The following FGGY variants were observed in gnomAD, a reference collection of about 807,000 sequenced individuals.
FGGY encodes FGGY carbohydrate kinase domain containing.
FGGY carries 72 observed loss-of-function variants against 71.3 expected under a neutral mutation model. The observed-to-expected ratio is 1.01, with a 90% CI of 0.84 to 1.23. The LOEUF (loss-of-function observed/expected upper bound fraction) is 1.23, where lower values mean the gene tolerates loss of function less well. Ranked by LOEUF, FGGY falls within the 50% of genes most tolerant of loss-of-function variation. The pLI is 0.00. For synonymous variants in FGGY, 251 were observed against 250.3 expected (o/e 1.00, Z -0.02); for missense variants, 668 against 682.3 (o/e 0.98, Z 0.23).
At chr1:59,591,749 A>C (rs1378035773) in intron 8 of FGGY, among the ~76,000 whole-genome samples, 6 of 152,352 alleles carry the variant, frequency 3.9e-5, no homozygotes, top group African/African-American at 1.4e-4. Context: ...TAGAAAGCTG[A>C]AACTGGATTC....
At chr1:59,430,785 A>G (rs778317760) in intron 5 of FGGY, among the ~76,000 whole-genome samples, 4 of 152,058 alleles carry the variant, frequency 2.6e-5, no homozygotes, top group Non-Finnish European at 4.4e-5. Context: ...ATGATTTCAG[A>G]CACCACTCTT....
In FGGY at chr1:59,398,395, C is replaced by T. The variant is rs756120586; in HGVS notation, c.554+19558C>T. On this transcript the variant is annotated intron_variant, in intron 5 of 15. Coordinates refer to ENST00000303721, the MANE Select transcript of FGGY (RefSeq NM_018291.5). ...CTGGGACTACAGGTGCACGCCACCA[C>T]GCCTGGCTAATTTTTGTATTTTTAG... 9.9e-5 allele frequency among the ~76,000 whole-genome samples: 15 copies of T among 152,080 alleles called. No homozygotes were observed. The East Asian group carries it at 1.3e-3, about 14-fold the overall frequency.
At chr1:59,397,308 C>T (rs1269311102) in intron 5 of FGGY, among the ~76,000 whole-genome samples, 7 of 152,114 alleles carry the variant, frequency 4.6e-5, no homozygotes, top group South Asian at 2.1e-4. Context: ...GGACAAGGGA[C>T]GTGGCGTTGT....
chr1:59,717,540 A>G (rs561445733), intron 14 of FGGY, among the ~76,000 whole-genome samples: 1 of 152,162 alleles, frequency 6.6e-6, no homozygotes, highest in Non-Finnish European at 1.5e-5. Context: ...GTGATATTCG[A>G]TGGAGAGGCA....
At chr1:59,403,620 A>G (rs1050970738) in intron 5 of FGGY, among the ~76,000 whole-genome samples, 1 of 152,236 alleles carries the variant, frequency 6.6e-6, no homozygotes, top group African/African-American at 2.4e-5. Context: ...AAAGGACAGC[A>G]TATGGGAAAG....
At chr1:59,445,874 G>A (rs2071117064) in intron 5 of FGGY, among the ~76,000 whole-genome samples, 1 of 152,154 alleles carries the variant, frequency 6.6e-6, no homozygotes, top group Non-Finnish European at 1.5e-5. Flanking sequence ...TAAGCATGTA[G>A]TTAACAAGCA....
intron 14 of FGGY, among the ~76,000 whole-genome samples, chr1:59,686,180 A>G (rs2097542556): frequency 6.6e-6 from 1 of 152,162 alleles, no homozygotes; most frequent in Non-Finnish European, 1.5e-5. Flanking sequence ...AACCAAGAAT[A>G]CCCAGTTTGG....
intron 8 of FGGY, among the ~76,000 whole-genome samples, chr1:59,589,752 A>C (rs2096390707): frequency 6.6e-6 from 1 of 152,218 alleles, no homozygotes; most frequent in Admixed American, 6.5e-5. Context: ...GAACAAAGAC[A>C]CAACATACCA....
At chr1:59,438,446 T>C (rs1025471233) in intron 5 of FGGY, among the ~76,000 whole-genome samples, 3 of 152,236 alleles carry the variant, frequency 2.0e-5, no homozygotes, top group African/African-American at 7.2e-5. Flanking sequence ...ATATCATAGA[T>C]TTTTTAAAAT....
At chr1:59,625,928 T>C (rs2096851918) in intron 9 of FGGY, 60 bp from the exon 10 acceptor site, 1 of 1,301,238 alleles carries the variant, frequency 7.7e-7, no homozygotes, top group Middle Eastern at 1.9e-4. Context: ...ATATAAATTT[T>C]TCTATCTTAT....
chr1:59,728,765 C>T (rs1377009991), intron 14 of FGGY, among the ~76,000 whole-genome samples: 2 of 152,024 alleles, frequency 1.3e-5, no homozygotes, highest in Non-Finnish European at 2.9e-5. Flanking sequence ...ATGTTTGTTT[C>T]TCTATAGATT....
intron 6 of FGGY, among the ~76,000 whole-genome samples, chr1:59,491,777 T>A (rs1482140658): frequency 1.3e-5 from 2 of 151,958 alleles, no homozygotes; most frequent in Non-Finnish European, 2.9e-5. Context: ...AAGAGTGGCA[T>A]GTGAGAAAAA....
intron 7 of FGGY, among the ~76,000 whole-genome samples, chr1:59,550,537 G>A (rs553010435): frequency 6.6e-6 from 1 of 152,200 alleles, no homozygotes; most frequent in South Asian, 2.1e-4. Flanking sequence ...TATAATTTTA[G>A]GTAAGGAGAT....
rs548365987 is a variant in FGGY at position 59,438,573 on chromosome 1, C to T, written c.555-18388C>T. Among the ~76,000 whole-genome samples the T allele has an allele frequency of 5.3e-5, 8 of 152,300 alleles. No homozygotes were observed. In the South Asian group the frequency reaches 1.2e-3, roughly 24 times the overall value. ...CAAGTTCATCTTGTTAGCTGTTCTT[C>T]CACCAGGCAATCAAAACTCATGTTA... On this transcript the variant is annotated intron_variant, in intron 5 of 15. Transcript: ENST00000303721.
chr1:59,745,227 A>G (rs1264582729), intron 14 of FGGY, among the ~76,000 whole-genome samples: 1 of 152,184 alleles, frequency 6.6e-6, no homozygotes, highest in African/African-American at 2.4e-5. Flanking sequence ...TCTAGGCCAG[A>G]ATATCTAGGC....
At position 59,618,693 on chromosome 1, in the gene FGGY, A is replaced by T. The variant is rs142765842; in HGVS notation, c.1012-7295A>T. On this transcript the variant is annotated intron_variant, in intron 9 of 15. Transcript: ENST00000303721. ...AGATGGGCCTAAGAGCTGACTGGAG[A>T]TGACAAAAGTGTCCTCAGTGAGAAT... Among the ~76,000 whole-genome samples the T allele has an allele frequency of 2.6e-3, 395 of 152,222 alleles. 6 individuals carry two copies. The highest frequency in any genetic ancestry group is 0.021 in the Admixed American group (316 of 15,272).
intron 6 of FGGY, among the ~76,000 whole-genome samples, chr1:59,504,408 G>C (rs1490132008): frequency 1.3e-5 from 2 of 152,162 alleles, no homozygotes; most frequent in Non-Finnish European, 2.9e-5. Context: ...GGTGTCTGGT[G>C]CGTGGGGTTG....
chr1:59,423,398 G>A (rs1424087764), intron 5 of FGGY, among the ~76,000 whole-genome samples: 2 of 152,084 alleles, frequency 1.3e-5, no homozygotes, highest in African/African-American at 2.4e-5. Flanking sequence ...CATTCAGCAT[G>A]TCAGATTTCT....
At chr1:59,399,542 C>T (rs2061695243) in intron 5 of FGGY, among the ~76,000 whole-genome samples, 1 of 152,226 alleles carries the variant, frequency 6.6e-6, no homozygotes, top group Non-Finnish European at 1.5e-5. Context: ...TACTTAGGTT[C>T]CCCTGAACCA....
Sources: allele counts gnomAD v4.1 joint callset (sites outside exome capture counted in the v4.1 genomes callset), GRCh38; gene constraint gnomAD v4.1.1; transcripts MANE v1.5; gene names NCBI Gene and HGNC (gene_info 2026-07-23, HGNC 2026-07-21).